SPART: variants seen among roughly 807,000 people sequenced by gnomAD.
SPART encodes the protein spastic paraplegia 20 (Troyer syndrome).
SPART carries 35 observed loss-of-function variants against 58.7 expected under a neutral mutation model. The ratio of observed to expected loss-of-function variants is 0.60; its 90% CI spans 0.46 to 0.79. SPART has a LOEUF of 0.79. SPART is among the 30% of genes least tolerant of loss of function. The pLI, the probability that SPART is intolerant of heterozygous loss-of-function variation, is 0.00. For synonymous variants in SPART, 284 were observed against 280.7 expected (o/e 1.01, Z -0.12); for missense variants, 730 against 786.1 (o/e 0.93, Z 0.85).
chr13:36,309,351 G>A (rs1470710625), intron 8 of SPART, among the ~76,000 whole-genome samples: 6 of 151,780 alleles, frequency 4.0e-5, no homozygotes, highest in African/African-American at 1.2e-4. Context: ...ACTTTTGGGA[G>A]ATATCTCAAA....
In SPART at chr13:36,335,218, G is replaced by A; in HGVS notation, c.613C>T (p.His205Tyr). ...GTCTCAAGAGGCGGTGGCTGAGAATGATTCCTATAAAACTCCTCTCCAACT... is the reference window on the plus strand; with the variant it reads ...GTCTCAAGAGGCGGTGGCTGAGAATAATTCCTATAAAACTCCTCTCCAACT... ...SSVGEEFYRN[H>Y]SQPPPLETLG... Residue 205 changes from histidine (H) to tyrosine (Y), a missense_variant, in exon 2 of 9, where the codon CAT becomes TAT. Coordinates refer to ENST00000438666, the MANE Select transcript of SPART (RefSeq NM_015087.5). The A allele has an allele frequency of 6.2e-7, 1 of 1,614,090 alleles. No individual in the cohort carries two copies. Among genetic ancestry groups the A allele is most frequent in the Non-Finnish European group, 8.5e-7 (1 of 1,180,012 alleles).
chr13:36,330,552 T>G (rs749413361), intron 3 of SPART, among the ~76,000 whole-genome samples: 2 of 152,166 alleles, frequency 1.3e-5, no homozygotes, highest in African/African-American at 2.4e-5. Context: ...ATCTGCTGAT[T>G]GAAGGAGAGA....
chr13:36,359,483 T>C (rs1194016890), intron 1 of SPART, among the ~76,000 whole-genome samples: 2 of 152,196 alleles, frequency 1.3e-5, no homozygotes, highest in African/African-American at 2.4e-5. Context: ...TATAGACATA[T>C]ACTTAATGCC....
intron 5 of SPART, among the ~76,000 whole-genome samples, chr13:36,320,153 ACT>A: frequency 6.6e-6 from 1 of 151,490 alleles, no homozygotes; most frequent in Non-Finnish European, 1.5e-5. Context: ...TGCTCAACTC[ACT>A]CTCTACAGTT....
chr13:36,353,704 A>G (rs530636087), intron 1 of SPART, among the ~76,000 whole-genome samples: 126 of 152,294 alleles, frequency 8.3e-4, no homozygotes, highest in African/African-American at 3.0e-3. Flanking sequence ...CAGAACTGTA[A>G]TTAGGAAAGA....
chr13:36,364,600 C>T (rs1484318756), intron 1 of SPART, among the ~76,000 whole-genome samples: 1 of 152,016 alleles, frequency 6.6e-6, no homozygotes, highest in Non-Finnish European at 1.5e-5. Flanking sequence ...AGTTTCAGGT[C>T]CCATTAACGA....
At chr13:36,317,365 G>A (rs1343437598) in intron 5 of SPART, among the ~76,000 whole-genome samples, 2 of 151,864 alleles carry the variant, frequency 1.3e-5, no homozygotes, top group Non-Finnish European at 2.9e-5. Context: ...TGCTTTTCTA[G>A]AGGAGGGGCA....
rs9566108 is a variant in SPART, at chr13:36,346,367, C to T, written c.-145G>A. 0.25 allele frequency: 37,831 copies of T among 152,102 alleles called. 5,225 individuals are homozygous for T. Among genetic ancestry groups the T allele is most frequent in the East Asian group, 0.51 (2,612 of 5,098 alleles). 9.4% of individuals were successfully genotyped at this position (152,102 alleles called of 1,614,324 possible). ...CGGTCCCGAGGTTCCCAAGGCCTCG[C>T]GCGCGCGCTTGCCGTGGCAACCAAG... On this transcript the variant is annotated 5_prime_UTR_variant, in exon 1 of 9. Transcript: ENST00000438666.
chr13:36,369,032 CA>C (rs753441388), intron 1 of SPART, among the ~76,000 whole-genome samples: 2 of 152,106 alleles, frequency 1.3e-5, no homozygotes, highest in Non-Finnish European at 2.9e-5. Flanking sequence ...TTAAAAATTG[CA>C]GAACATTTTC....
chr13:36,326,436 T>C, intron 5 of SPART, 139 bp downstream of exon 5: 1 of 987,128 alleles, frequency 1.0e-6, no homozygotes, highest in Non-Finnish European at 1.5e-6. Flanking sequence ...TAGTTCCTTC[T>C]ACATTTATTT....
chr13:36,367,307 C>G (rs908362380), intron 1 of SPART, among the ~76,000 whole-genome samples: 1 of 152,060 alleles, frequency 6.6e-6, no homozygotes, highest in Non-Finnish European at 1.5e-5. Flanking sequence ...CACATATCCC[C>G]ACATGTGTAG....
At position 36,335,188 on chromosome 13, in the gene SPART, C is replaced by G. The variant is rs1453020661; in HGVS notation, c.643G>C (p.Gly215Arg). Residue 215 changes from glycine (G) to arginine (R), a missense_variant, in exon 2 of 9, where the codon GGG becomes CGG. Coordinates refer to ENST00000438666, the MANE Select transcript of SPART (RefSeq NM_015087.5). ...HSQPPPLETL[G>R]LDADELILIP... The stretch of plus-strand genomic sequence containing the variant: ...AAAATCAATTCATCTGCATCCAGCC[C>G]TAAGGTCTCAAGAGGCGGTGGCTGA... The G allele has an allele frequency of 6.2e-7, 1 of 1,614,134 alleles. No individual in the cohort carries two copies. Among genetic ancestry groups the G allele is most frequent in the East Asian group, 2.2e-5 (1 of 44,876 alleles).
intron 4 of SPART, among the ~76,000 whole-genome samples, chr13:36,328,999 C>G (rs9575921): frequency 0.24 from 36,498 of 151,902 alleles, 4,841 homozygotes; most frequent in East Asian, 0.51. Context: ...ACTCGTGGAG[C>G]GTGAGGCAGG....
At chr13:36,314,936 G>C (rs1184471368) in intron 5 of SPART, among the ~76,000 whole-genome samples, 3 of 152,192 alleles carry the variant, frequency 2.0e-5, no homozygotes, top group African/African-American at 7.2e-5. Context: ...TAGGCTAAAA[G>C]CTTTAGTCAG....
chr13:36,363,487 T>C (rs1885945776), intron 1 of SPART, among the ~76,000 whole-genome samples: 1 of 152,098 alleles, frequency 6.6e-6, no homozygotes, highest in Non-Finnish European at 1.5e-5. Flanking sequence ...CCATCTACTC[T>C]TCTCTGCCTT....
At chr13:36,363,778 G>C (rs1443390062) in intron 1 of SPART, among the ~76,000 whole-genome samples, 1 of 151,340 alleles carries the variant, frequency 6.6e-6, no homozygotes, top group East Asian at 1.9e-4. Context: ...TGTTGTTGTT[G>C]TTTTTTGTTT....
chr13:36,352,709 G>A (rs1261816554), intron 1 of SPART, among the ~76,000 whole-genome samples: 1 of 152,010 alleles, frequency 6.6e-6, no homozygotes, highest in Admixed American at 6.6e-5. Context: ...CATGTTGGGA[G>A]GCTGAGGTGG....
chr13:36,357,008 C>G lies in SPART; in HGVS notation c.-3+13081G>C, dbSNP rs1200816398. Among the ~76,000 whole-genome samples the G allele has an allele frequency of 3.9e-5, 6 of 152,230 alleles. No homozygotes were observed. The East Asian group carries it at 1.2e-3, about 29-fold the overall frequency. ...ATTTTCCCCACCAATATGTGAATGT[C>G]TTAATGTAGAAATTCTTCCTCCACT... On this transcript the variant is annotated intron_variant, in intron 1 of 8. Transcript: ENST00000355182.
At chr13:36,308,851 G>GT (rs146723226) in intron 8 of SPART, among the ~76,000 whole-genome samples, 36,961 of 152,008 alleles carry the variant, frequency 0.24, 4,890 homozygotes, top group East Asian at 0.51. Context: ...TTAGAGTTCA[G>GT]GCCACAGGTG....
Sources: allele counts gnomAD v4.1 joint callset (sites outside exome capture counted in the v4.1 genomes callset), GRCh38; gene constraint gnomAD v4.1.1; transcripts MANE v1.5; gene names NCBI Gene and HGNC (gene_info 2026-07-23, HGNC 2026-07-21).